The following PPP2R5C variants were observed in gnomAD, a reference collection of about 807,000 sequenced individuals.
The protein encoded by PPP2R5C is protein phosphatase 2 regulatory subunit B'gamma, also known as serine/threonine-protein phosphatase 2A 56 kDa regulatory subunit gamma isoform.
PPP2R5C carries 7 observed loss-of-function variants against 68.9 expected under a neutral mutation model. That is an observed-to-expected ratio of 0.10 (90% CI 0.06 to 0.19). The LOEUF (loss-of-function observed/expected upper bound fraction) is 0.19, where lower values mean the gene tolerates loss of function less well. Among genes scored for constraint, PPP2R5C ranks in the 10% least tolerant of loss-of-function variants. The pLI is 1.00. For synonymous variants in PPP2R5C, 210 were observed against 222.2 expected (o/e 0.95, Z 0.49); for missense variants, 348 against 641.3 (o/e 0.54, Z 4.94).
intron 2 of PPP2R5C, among the ~76,000 whole-genome samples, chr14:101,871,494 C>T (rs761038076): frequency 1.3e-5 from 2 of 152,126 alleles, no homozygotes; most frequent in African/African-American, 4.8e-5. Context: ...CTGCCCTCCT[C>T]GGCCTCCCAA....
At chr14:101,773,601 A>G (rs1490790295) in intron 2 of PPP2R5C, among the ~76,000 whole-genome samples, 1 of 152,108 alleles carries the variant, frequency 6.6e-6, no homozygotes, top group African/African-American at 2.4e-5. Flanking sequence ...GGAGGGATGG[A>G]GGTAGGGAGC....
chr14:101,923,081 A>C (rs1595568915), intron 13 of PPP2R5C, among the ~76,000 whole-genome samples: 1 of 152,032 alleles, frequency 6.6e-6, no homozygotes, highest in South Asian at 2.1e-4. Context: ...CAGCATGTTC[A>C]CCTGCACATC....
chr14:101,817,855 A>G (rs1296969087), intron 1 of PPP2R5C, among the ~76,000 whole-genome samples: 1 of 152,128 alleles, frequency 6.6e-6, no homozygotes, highest in Non-Finnish European at 1.5e-5. Flanking sequence ...TGGCGCCTGG[A>G]GTGTCGTGAG....
chr14:101,862,931 C>G (rs1406332560), intron 2 of PPP2R5C, among the ~76,000 whole-genome samples: 1 of 151,670 alleles, frequency 6.6e-6, no homozygotes, highest in Non-Finnish European at 1.5e-5. Flanking sequence ...GCAATCCTCC[C>G]CCTCCCCCTG....
chr14:101,801,876 T>C (rs1442218558), intron 3 of PPP2R5C, among the ~76,000 whole-genome samples: 1 of 152,182 alleles, frequency 6.6e-6, no homozygotes, highest in African/African-American at 2.4e-5. Context: ...GAGATAAGCA[T>C]AGCCAAAACA....
intron 2 of PPP2R5C, among the ~76,000 whole-genome samples, chr14:101,863,512 A>G (rs183352724): frequency 6.1e-4 from 93 of 152,310 alleles, no homozygotes; most frequent in African/African-American, 2.1e-3. Flanking sequence ...GGAGTTTAGT[A>G]GGGGCCTAAG....
At chr14:101,818,591 G>A (rs2039858306) in intron 1 of PPP2R5C, 3 of 164,204 alleles carry the variant, frequency 1.8e-5, no homozygotes, top group Admixed American at 1.2e-4. Context: ...CCGAGATCAC[G>A]CCACTGCACA....
At chr14:101,890,729 T>G (rs1370192383) in intron 6 of PPP2R5C, among the ~76,000 whole-genome samples, 3 of 151,650 alleles carry the variant, frequency 2.0e-5, no homozygotes, top group African/African-American at 7.3e-5. Flanking sequence ...TTCAAAACTT[T>G]CATCATCTTT....
intron 1 of PPP2R5C, among the ~76,000 whole-genome samples, chr14:101,852,926 A>G (rs1279960377): frequency 1.3e-5 from 2 of 152,156 alleles, no homozygotes; most frequent in Non-Finnish European, 2.9e-5. Flanking sequence ...AAATTGTCTC[A>G]AATTCACAAT....
chr14:101,924,484 CCAGGCTG>C, intron 13 of PPP2R5C, among the ~76,000 whole-genome samples: 3 of 78,150 alleles, frequency 3.8e-5, no homozygotes, highest in Non-Finnish European at 8.4e-5. Context: ...GCCCTGTCAC[CCAGGCTG>C]GACTGCAGTG....
chr14:101,830,481 C>T (rs1294652199), intron 1 of PPP2R5C, among the ~76,000 whole-genome samples: 2 of 152,176 alleles, frequency 1.3e-5, no homozygotes, highest in Non-Finnish European at 2.9e-5. Context: ...CAGCATAAAT[C>T]AGAGCAACAG....
At position 101,901,923 on chromosome 14, in the gene PPP2R5C, TC is replaced by T. The variant is rs758771086; in HGVS notation, c.1023+36del. ...GGCTTGGGGGACCTGATTAAATTCT[TC>T]CAGTGTTCATTTGGGAAAGGAAAAG... On this transcript the variant is annotated intron_variant, in intron 9 of 13. Transcript: ENST00000334743. 2.5e-5 allele frequency: 40 copies of T among 1,595,422 alleles called. 3 individuals carry two copies. The South Asian group carries it at 4.2e-4, about 17-fold the overall frequency.
intron 1 of PPP2R5C, chr14:101,820,347 A>G (rs1183377622): frequency 1.3e-5 from 2 of 152,142 alleles, no homozygotes; most frequent in African/African-American, 4.8e-5. Flanking sequence ...GACATTAGCA[A>G]GTGGGGTTTC....
intron 2 of PPP2R5C, among the ~76,000 whole-genome samples, chr14:101,873,097 A>G (rs1566927999): frequency 1.3e-5 from 2 of 152,232 alleles, no homozygotes; most frequent in East Asian, 3.9e-4. Context: ...ATCTGTGGGT[A>G]CATATTGTTG....
intron 2 of PPP2R5C, among the ~76,000 whole-genome samples, chr14:101,880,832 G>A (rs2140883854): frequency 6.6e-6 from 1 of 152,274 alleles, no homozygotes; most frequent in East Asian, 1.9e-4. Context: ...CAGCAGTGGT[G>A]ACATTGAGTA....
exon 14 of PPP2R5C, chr14:101,927,200 C>T (rs1227374643): frequency 3.9e-5 from 6 of 151,978 alleles, no homozygotes; most frequent in Non-Finnish European, 7.4e-5. Flanking sequence ...TTTTTGCCCT[C>T]GGGAAAAAGC....
intron 1 of PPP2R5C, chr14:101,823,913 A>G: frequency 7.8e-7 from 1 of 1,279,106 alleles, no homozygotes; most frequent in Non-Finnish European, 1.0e-6. Context: ...ATCTAGAAAA[A>G]CAAGAGATGC....
rs1179402039 is a variant in PPP2R5C at position 101,906,492 on chromosome 14, C to G, written c.1114C>G (p.Pro372Ala). ...AGCGAAGATTCTGCCCATCATGTTT[C>G]CTTCCTTGTACCGCAACTCAAAGAC... Residue 372 changes from proline to alanine, a missense_variant, in exon 10 of 14, where the codon CCT (proline) becomes GCT (alanine). By Grantham distance (27) the Pro-to-Ala change is conservative. Coordinates refer to ENST00000334743, the Ensembl canonical transcript of PPP2R5C. The surrounding 1 kb of genome is among the most constrained non-coding windows in gnomAD (Gnocchi z 4.0). 6.2e-7 allele frequency: 1 copy of G among 1,613,544 alleles called. No homozygotes were observed. The highest frequency in any genetic ancestry group is 1.1e-5 in the South Asian group (1 of 90,888).
At chr14:101,765,842 A>G (rs991477434) in intron 2 of PPP2R5C, 3 of 149,278 alleles carry the variant, frequency 2.0e-5, no homozygotes, top group African/African-American at 7.5e-5. Flanking sequence ...CTGCCTCAGC[A>G]TCCCAAAGTG....
Sources: allele counts gnomAD v4.1 joint callset (sites outside exome capture counted in the v4.1 genomes callset), GRCh38; gene constraint gnomAD v4.1.1; non-coding constraint Gnocchi (gnomAD v3.1); transcripts MANE v1.5; gene names NCBI Gene and HGNC (gene_info 2026-07-23, HGNC 2026-07-21).